Variants in KIF16B observed in about 807,000 individuals in gnomAD.
The protein encoded by KIF16B is kinesin family member 16B, also known as kinesin-like protein KIF16B.
A neutral mutation model predicts 156.3 loss-of-function variants in KIF16B; 98 were observed. The observed-to-expected ratio is 0.63, with a 90% CI of 0.53 to 0.74. The LOEUF (loss-of-function observed/expected upper bound fraction) is 0.74, where lower values mean the gene tolerates loss of function less well. Among genes scored for constraint, KIF16B ranks in the 30% least tolerant of loss-of-function variants. KIF16B has a pLI of 0.00. For missense variants in KIF16B, 1,421 were observed against 1,606.5 expected (o/e 0.88, Z 1.97); for synonymous variants, 564 against 583.7 (o/e 0.97, Z 0.49).
At chr20:16,339,349 TTA>T (rs2064100191) in intron 23 of KIF16B, among the ~76,000 whole-genome samples, 2 of 152,224 alleles carry the variant, frequency 1.3e-5, no homozygotes, top group South Asian at 4.1e-4. Flanking sequence ...CACTTTTATC[TTA>T]GTTTTCTTTT....
At chr20:16,349,468 T>C (rs917647901) in intron 23 of KIF16B, among the ~76,000 whole-genome samples, 1 of 152,242 alleles carries the variant, frequency 6.6e-6, no homozygotes, top group Non-Finnish European at 1.5e-5. Context: ...GAGGAGCTGC[T>C]GTTTTGCCCT....
intron 12 of KIF16B, among the ~76,000 whole-genome samples, chr20:16,463,016 CT>C (rs2067389913): frequency 6.6e-6 from 1 of 152,192 alleles, no homozygotes. Context: ...ACATCTAGTC[CT>C]AACCAGATCT....
chr20:16,519,071 T>C (rs562347561), intron 3 of KIF16B, among the ~76,000 whole-genome samples: 46 of 152,336 alleles, frequency 3.0e-4, no homozygotes, highest in African/African-American at 1.1e-3. Context: ...TTACTGAATC[T>C]CTTCAACAAA....
At chr20:16,363,762 G>C (rs2144889) in intron 22 of KIF16B, among the ~76,000 whole-genome samples, 103,274 of 152,108 alleles carry the variant, frequency 0.68, 36,276 homozygotes, top group East Asian at 0.97. Flanking sequence ...GACCTGCAGC[G>C]TACAGCACAG....
chr20:16,500,690 G>A (rs901379986), intron 10 of KIF16B, among the ~76,000 whole-genome samples: 17 of 152,094 alleles, frequency 1.1e-4, no homozygotes, highest in African/African-American at 3.9e-4. Flanking sequence ...TTTCTGCACC[G>A]CTTTCTTTCC....
At chr20:16,324,561 G>A (rs2063815898) in intron 24 of KIF16B, among the ~76,000 whole-genome samples, 1 of 151,928 alleles carries the variant, frequency 6.6e-6, no homozygotes, top group South Asian at 2.1e-4. Context: ...CCACATCTTT[G>A]GTGATCAAAG....
intron 25 of KIF16B, among the ~76,000 whole-genome samples, chr20:16,309,149 G>A (rs1327309568): frequency 6.6e-6 from 1 of 152,212 alleles, no homozygotes; most frequent in African/African-American, 2.4e-5. Context: ...GAACAAAAAT[G>A]CTGGGAGCAT....
rs1317502144 is a variant in KIF16B, at chr20:16,294,543, T to A, written c.3795+17792A>T. Among the ~76,000 whole-genome samples, 5 of 152,180 alleles carry A rather than the reference T, an allele frequency of 3.3e-5. No homozygotes were observed. In the South Asian group the frequency reaches 1.0e-3, roughly 32 times the overall value. ...GCAGGACGGGAGGCAGGCCCACTTA[T>A]CCACAGACTTTCATCCTCTCTTGTT... On this transcript the variant is annotated intron_variant, in intron 25 of 25. Coordinates refer to ENST00000354981, the MANE Select transcript of KIF16B (RefSeq NM_024704.5).
At chr20:16,321,192 C>T (rs1443910465) in intron 24 of KIF16B, among the ~76,000 whole-genome samples, 1 of 151,994 alleles carries the variant, frequency 6.6e-6, no homozygotes, top group African/African-American at 2.4e-5. Context: ...TAACATTAAT[C>T]ATATTTATAG....
At chr20:16,490,106 A>G (rs1386250754) in intron 12 of KIF16B, among the ~76,000 whole-genome samples, 3 of 152,156 alleles carry the variant, frequency 2.0e-5, no homozygotes, top group Non-Finnish European at 2.9e-5. Context: ...CTGGATTACG[A>G]CACCCTAAAA....
chr20:16,441,202 G>A (rs902599947), intron 12 of KIF16B, among the ~76,000 whole-genome samples: 1 of 152,158 alleles, frequency 6.6e-6, no homozygotes, highest in Non-Finnish European at 1.5e-5. Context: ...GGGATGTTGT[G>A]GCCCAGAAAG....
In KIF16B at chr20:16,497,609, T is replaced by C; in HGVS notation, c.1242+4A>G. ...TTAAAAATATAAGTCAAAGTATCAC[T>C]TACTCTTGCTTCATTCTGCTGAAGT... On this transcript the variant is annotated splice_donor_region_variant and intron_variant, in intron 11 of 25. Coordinates refer to ENST00000354981, the MANE Select transcript of KIF16B (RefSeq NM_024704.5). 6.2e-7 allele frequency: 1 copy of C among 1,602,948 alleles called. No individual in the cohort carries two copies. Among genetic ancestry groups the C allele is most frequent in the East Asian group, 2.2e-5 (1 of 44,770 alleles).
chr20:16,447,205 T>C (rs2066957214), intron 12 of KIF16B, among the ~76,000 whole-genome samples: 2 of 152,022 alleles, frequency 1.3e-5, no homozygotes, highest in African/African-American at 4.8e-5. Context: ...CCTCTTGTTC[T>C]AAAAAGATCT....
At chr20:16,455,851 T>C (rs1028953813) in intron 12 of KIF16B, among the ~76,000 whole-genome samples, 1 of 152,160 alleles carries the variant, frequency 6.6e-6, no homozygotes, top group African/African-American at 2.4e-5. Context: ...CCTGGCTACC[T>C]GACTCAAGGT....
intron 11 of KIF16B, among the ~76,000 whole-genome samples, chr20:16,495,677 T>C (rs2068429326): frequency 6.6e-6 from 1 of 152,116 alleles, no homozygotes. Context: ...GCTTGTTTTC[T>C]TGTTGTTGTT....
chr20:16,273,278 T>G lies in KIF16B; in HGVS notation c.3929A>C (p.Asp1310Ala). 1 of 1,614,108 alleles carries G rather than the reference T, an allele frequency of 6.2e-7. No homozygotes were observed. Among genetic ancestry groups the G allele is most frequent in the Non-Finnish European group, 8.5e-7 (1 of 1,179,984 alleles). ...FSPFFKKGVF[D>A]YSSHGTG The stretch of plus-strand genomic sequence containing the variant: ...CTACCCCGTCCCGTGGCTGCTGTAG[T>G]CAAAGACTCCTTTCTTGAAGAATGG... Residue 1310 changes from aspartate (D) to alanine (A), a missense_variant, in exon 26 of 26, where the codon GAC becomes GCC. Coordinates refer to ENST00000354981, the MANE Select transcript of KIF16B (RefSeq NM_024704.5).
At chr20:16,555,721 AG>A (rs1288135587) in intron 1 of KIF16B, among the ~76,000 whole-genome samples, 2 of 152,206 alleles carry the variant, frequency 1.3e-5, no homozygotes, top group African/African-American at 4.8e-5. Context: ...ACCTCTCAAA[AG>A]TCAGAGAAGG....
chr20:16,367,343 A>G (rs1417824167), intron 22 of KIF16B: 1 of 1,612,928 alleles, frequency 6.2e-7, no homozygotes, highest in East Asian at 2.2e-5. Context: ...TTCTGTAAGA[A>G]GACTAGTTCT....
chr20:16,524,618 C>T (rs987485344), intron 3 of KIF16B, among the ~76,000 whole-genome samples: 4 of 152,102 alleles, frequency 2.6e-5, no homozygotes, highest in Admixed American at 2.0e-4. Context: ...GACAGTGTGG[C>T]GATTCCTCAA....
Sources: allele counts gnomAD v4.1 joint callset (sites outside exome capture counted in the v4.1 genomes callset), GRCh38; gene constraint gnomAD v4.1.1; transcripts MANE v1.5; gene names NCBI Gene and HGNC (gene_info 2026-07-23, HGNC 2026-07-21).